Variants in CADM2 observed in about 807,000 individuals in gnomAD.
CADM2 encodes cell adhesion molecule 2.
In CADM2, 12 loss-of-function variants were observed where a neutral mutation model predicts 49.8. The observed-to-expected ratio is 0.24, with a 90% CI of 0.15 to 0.39. CADM2 has a LOEUF of 0.39. Ranked by LOEUF, CADM2 falls within the 10% of genes least tolerant of loss-of-function variation. The pLI, the probability that CADM2 is intolerant of heterozygous loss-of-function variation, is 1.00. For missense variants in CADM2, 378 were observed against 492.3 expected, an observed-to-expected ratio of 0.77 and a Z score of 2.20; for synonymous variants, 214 against 175.4, an observed-to-expected ratio of 1.22 and a Z score of -1.74.
At chr3:85,655,309 C>T (rs1477559709) in intron 1 of CADM2, among the ~76,000 whole-genome samples, 1 of 151,966 alleles carries the variant, frequency 6.6e-6, no homozygotes, top group African/African-American at 2.4e-5. Flanking sequence ...TCCAGGCATC[C>T]GCCACCACGC....
intron 1 of CADM2, among the ~76,000 whole-genome samples, chr3:85,252,528 T>G (rs2042798795): frequency 6.6e-6 from 1 of 152,038 alleles, no homozygotes; most frequent in Non-Finnish European, 1.5e-5. Flanking sequence ...ACTAATGACT[T>G]TAATCAAAAT....
Position 85,298,385 on chromosome 3 carries a change from A to G in CADM2, c.61+338717A>G, listed in dbSNP as rs558908819. 1.6e-3 allele frequency among the ~76,000 whole-genome samples: 242 copies of G among 152,212 alleles called. 8 individuals are homozygous for G. The South Asian group carries it at 0.047, about 30-fold the overall frequency. ...CCTTCTTCCTCTGAAATGAGATCTAATTGCTTGCAGCAGCACTGATGCAGT... is the reference window on the plus strand; with the variant it reads ...CCTTCTTCCTCTGAAATGAGATCTAGTTGCTTGCAGCAGCACTGATGCAGT... On this transcript the variant is annotated intron_variant, in intron 1 of 9. Transcript: ENST00000383699.
At chr3:85,644,589 A>G in intron 1 of CADM2, among the ~76,000 whole-genome samples, 1 of 152,042 alleles carries the variant, frequency 6.6e-6, no homozygotes. Flanking sequence ...TCCAAACCAA[A>G]AGTGTCCCCA....
At chr3:85,798,223 A>G (rs967686061) in intron 2 of CADM2, among the ~76,000 whole-genome samples, 4 of 152,060 alleles carry the variant, frequency 2.6e-5, no homozygotes, top group East Asian at 1.9e-4. Context: ...TAGGTTGCCT[A>G]TTCACTCTGA....
chr3:85,089,986 G>A (rs2107521317), intron 1 of CADM2, among the ~76,000 whole-genome samples: 1 of 152,056 alleles, frequency 6.6e-6, no homozygotes, highest in African/African-American at 2.4e-5. Flanking sequence ...AAATTATTCA[G>A]AATTTCTAGA....
chr3:85,539,483 C>T (rs1263201139), intron 1 of CADM2, among the ~76,000 whole-genome samples: 1 of 152,008 alleles, frequency 6.6e-6, no homozygotes, highest in Non-Finnish European at 1.5e-5. Context: ...CAAACATATC[C>T]CTAGCACCCC....
chr3:85,112,206 C>T (rs566975222), intron 1 of CADM2, among the ~76,000 whole-genome samples: 142 of 151,898 alleles, frequency 9.3e-4, no homozygotes, highest in African/African-American at 3.3e-3. Flanking sequence ...ATCATAGATC[C>T]ATATATCCTT....
intron 8 of CADM2, among the ~76,000 whole-genome samples, chr3:86,001,010 A>T (rs1312091340): frequency 6.6e-6 from 1 of 152,146 alleles, no homozygotes; most frequent in East Asian, 1.9e-4. Flanking sequence ...GTGAATGCTG[A>T]TAAGGGTTTA....
chr3:85,873,179 T>C (rs899621366), intron 3 of CADM2, among the ~76,000 whole-genome samples: 1 of 152,236 alleles, frequency 6.6e-6, no homozygotes, highest in Non-Finnish European at 1.5e-5. Flanking sequence ...CTCTTAATAC[T>C]GTTACAATGG....
intron 3 of CADM2, among the ~76,000 whole-genome samples, chr3:85,812,772 T>A (rs986168202): frequency 1.3e-5 from 2 of 152,158 alleles, no homozygotes; most frequent in African/African-American, 4.8e-5. Flanking sequence ...CTTGTTCAAC[T>A]ACCACTTATG....
intron 1 of CADM2, among the ~76,000 whole-genome samples, chr3:85,688,632 A>T (rs1290763324): frequency 4.7e-5 from 7 of 148,072 alleles, no homozygotes; most frequent in Non-Finnish European, 4.4e-5. Context: ...CAGGGGCATG[A>T]TCTTATCTCA....
chr3:85,774,933 A>G (rs193125921), intron 2 of CADM2, among the ~76,000 whole-genome samples: 110 of 151,864 alleles, frequency 7.2e-4, no homozygotes, highest in Non-Finnish European at 9.9e-4. Flanking sequence ...AATCATTGCT[A>G]GTCAGTTAAA....
chr3:85,592,383 T>A lies in CADM2; in HGVS notation c.62-134139T>A, dbSNP rs2063130830. The stretch of plus-strand genomic sequence containing the variant: ...AATGCAATACAGTTGACCCATTTAA[T>A]GGTCATCTCAGTTTGGCTCCTTAAC... On this transcript the variant is annotated intron_variant, in intron 1 of 9. Coordinates refer to ENST00000383699, the MANE Select transcript of CADM2 (RefSeq NM_001167675.2). Among the ~76,000 whole-genome samples the A allele has an allele frequency of 3.3e-5, 5 of 151,322 alleles. No homozygotes were observed. In the South Asian group the frequency reaches 1.0e-3, roughly 31 times the overall value.
intron 1 of CADM2, among the ~76,000 whole-genome samples, chr3:85,701,977 T>TA (rs2066785356): frequency 1.6e-5 from 1 of 60,834 alleles, no homozygotes; most frequent in Non-Finnish European, 3.5e-5. Context: ...TAGACATAGA[T>TA]AGATAGATAG....
At chr3:85,004,431 C>T (rs2033625752) in intron 1 of CADM2, among the ~76,000 whole-genome samples, 1 of 152,034 alleles carries the variant, frequency 6.6e-6, no homozygotes, top group Admixed American at 6.6e-5. Flanking sequence ...TAAGATAAGG[C>T]CCTTGTTCTC....
intron 1 of CADM2, among the ~76,000 whole-genome samples, chr3:85,651,797 C>T (rs571237253): frequency 2.0e-5 from 3 of 151,128 alleles, no homozygotes; most frequent in East Asian, 1.9e-4. Flanking sequence ...GTTAATCTAT[C>T]GACTAAACTT....
intron 1 of CADM2, among the ~76,000 whole-genome samples, chr3:85,159,753 A>T (rs2040256307): frequency 6.6e-6 from 1 of 152,034 alleles, no homozygotes; most frequent in African/African-American, 2.4e-5. Flanking sequence ...AATTTTACAG[A>T]GTTTTTAGGG....
intron 8 of CADM2, among the ~76,000 whole-genome samples, chr3:86,041,188 A>G (rs1352274451): frequency 3.9e-5 from 6 of 152,182 alleles, no homozygotes; most frequent in Admixed American, 2.6e-4. Context: ...GAGCAAAATA[A>G]CGAGCTAACA....
At chr3:85,050,378 T>C (rs2035836602) in intron 1 of CADM2, among the ~76,000 whole-genome samples, 1 of 152,158 alleles carries the variant, frequency 6.6e-6, no homozygotes, top group Admixed American at 6.6e-5. Context: ...AGTATATCAA[T>C]GAAAACTCCG....
Sources: allele counts gnomAD v4.1 joint callset (sites outside exome capture counted in the v4.1 genomes callset), GRCh38; gene constraint gnomAD v4.1.1; transcripts MANE v1.5; gene names NCBI Gene and HGNC (gene_info 2026-07-23, HGNC 2026-07-21).